The following NR2C1 variants were observed in gnomAD, a reference collection of about 807,000 sequenced individuals.
The protein encoded by NR2C1 is nuclear receptor subfamily 2 group C member 1, also known as TR2 nuclear hormone receptor.
In NR2C1, 33 loss-of-function variants were observed where a neutral mutation model predicts 74.8. The ratio of observed to expected loss-of-function variants is 0.44; its 90% CI spans 0.33 to 0.59. The LOEUF (loss-of-function observed/expected upper bound fraction) is 0.59. Ranked by LOEUF, NR2C1 falls within the 20% of genes least tolerant of loss-of-function variation. NR2C1 has a pLI of 0.02. For synonymous variants in NR2C1, 225 were observed against 240.6 expected (o/e 0.94, Z 0.60); for missense variants, 568 against 715.6 (o/e 0.79, Z 2.35).
At chr12:95,022,862 TTG>T (rs1294062173) in intron 13 of NR2C1, among the ~76,000 whole-genome samples, 2 of 147,350 alleles carry the variant, frequency 1.4e-5, no homozygotes, top group Non-Finnish European at 3.1e-5. Flanking sequence ...ACCTGGCTAA[TTG>T]TGTTTGTTTT....
chr12:95,035,910 A>G (rs1870761313), intron 10 of NR2C1, among the ~76,000 whole-genome samples: 1 of 152,252 alleles, frequency 6.6e-6, no homozygotes, highest in African/African-American at 2.4e-5. Context: ...TGTAGTTCAT[A>G]ATGAAGTGTT....
intron 9 of NR2C1, among the ~76,000 whole-genome samples, chr12:95,043,519 C>G (rs955191717): frequency 6.6e-6 from 1 of 151,844 alleles, no homozygotes; most frequent in Admixed American, 6.6e-5. Flanking sequence ...AAAACCAGGT[C>G]TCTACTAAAA....
At chr12:95,048,622 G>GTTTT (rs899683567) in intron 9 of NR2C1, among the ~76,000 whole-genome samples, 1,931 of 130,436 alleles carry the variant, frequency 0.015, 40 homozygotes, top group African/African-American at 0.051. Context: ...ATGCAGATGA[G>GTTTT]TTTTTTTTTT....
At chr12:95,068,497 A>G (rs1876071950) in intron 1 of NR2C1, among the ~76,000 whole-genome samples, 1 of 151,984 alleles carries the variant, frequency 6.6e-6, no homozygotes, top group African/African-American at 2.4e-5. Flanking sequence ...CCTAAAGACA[A>G]GAAAATCTAC....
intron 2 of NR2C1, chr12:95,062,939 G>T (rs1422716998): frequency 7.0e-6 from 4 of 571,632 alleles, no homozygotes; most frequent in Admixed American, 3.1e-5. Flanking sequence ...AGAACATTTT[G>T]ACCTCACTAT....
At chr12:95,032,457 C>CAAAAAAAAAAAAAAA (rs905079010) in intron 10 of NR2C1, among the ~76,000 whole-genome samples, 110 of 90,680 alleles carry the variant, frequency 1.2e-3, no homozygotes, top group African/African-American at 4.3e-3. Flanking sequence ...GACTCCGTCT[C>CAAAAAAAAAAAAAAA]AAAAAAAAAA....
In NR2C1 at chr12:95,021,925, T is replaced by G. The variant is rs1323798716; in HGVS notation, c.*304A>C. 5.3e-6 allele frequency: 1 copy of G among 187,706 alleles called. No homozygotes were observed. Among genetic ancestry groups the G allele is most frequent in the African/African-American group, 2.3e-5 (1 of 42,732 alleles). The allele number at this position is 187,706 out of a possible 1,614,324, so 11.6% of individuals were successfully genotyped here. ...AAAAGAGACTAATTTATTTGTTTTA[T>G]AAAATAGAATGAGCGCTTAGTTTAG... is the stretch of plus-strand genomic sequence containing the variant. On this transcript the variant is annotated 3_prime_UTR_variant, in exon 14 of 14. Coordinates refer to ENST00000333003, the MANE Select transcript of NR2C1 (RefSeq NM_003297.4).
intron 2 of NR2C1, chr12:95,066,796 G>A (rs1875776271): frequency 6.5e-6 from 1 of 153,614 alleles, no homozygotes; most frequent in Non-Finnish European, 1.4e-5. Flanking sequence ...TTGTATACCT[G>A]GGAGAGAACA....
intron 9 of NR2C1, among the ~76,000 whole-genome samples, chr12:95,044,622 C>A (rs994836060): frequency 6.6e-6 from 1 of 152,006 alleles, no homozygotes; most frequent in African/African-American, 2.4e-5. Flanking sequence ...TGATGGCTCA[C>A]GCTTATAATC....
chr12:95,062,460 T>G lies in NR2C1; in HGVS notation c.285+48A>C, dbSNP rs1010926102. 1.4e-5 allele frequency: 19 copies of G among 1,329,322 alleles called. No individual in the cohort carries two copies. The African/African-American group carries it at 2.4e-4, about 17-fold the overall frequency. The allele number at this position is 1,329,322 out of a possible 1,614,324, so 82.3% of individuals were successfully genotyped here. On this transcript the variant is annotated intron_variant, in intron 3 of 13. Coordinates refer to ENST00000333003, the MANE Select transcript of NR2C1 (RefSeq NM_003297.4). ...TCATGGCAGGGCTTATGATTAAAAT[T>G]TTTTTTTTATATATGTAAGAGGAAA...
intron 9 of NR2C1, among the ~76,000 whole-genome samples, chr12:95,042,341 C>A (rs1871655383): frequency 6.6e-6 from 1 of 151,452 alleles, no homozygotes; most frequent in South Asian, 2.1e-4. Context: ...TCCCCAGTAG[C>A]TGGGACTACA....
chr12:95,058,138 A>T, intron 5 of NR2C1, 172 bp downstream of exon 5: 1 of 650,168 alleles, frequency 1.5e-6, no homozygotes, highest in Non-Finnish European at 2.5e-6. Flanking sequence ...TATTCAATAA[A>T]TATTAGTTGA....
At chr12:95,045,460 A>G (rs1872192830) in intron 9 of NR2C1, among the ~76,000 whole-genome samples, 1 of 152,210 alleles carries the variant, frequency 6.6e-6, no homozygotes, top group Admixed American at 6.5e-5. Flanking sequence ...GGAAGCGAAG[A>G]TATTAGGGTA....
intron 13 of NR2C1, among the ~76,000 whole-genome samples, chr12:95,024,803 T>G (rs1869153165): frequency 6.6e-6 from 1 of 152,146 alleles, no homozygotes; most frequent in Non-Finnish European, 1.5e-5. Flanking sequence ...TGATTATTTT[T>G]TATCCTCCTT....
At chr12:95,025,827 A>T (rs1869294689) in intron 12 of NR2C1, among the ~76,000 whole-genome samples, 2 of 151,582 alleles carry the variant, frequency 1.3e-5, no homozygotes, top group Non-Finnish European at 2.9e-5. Context: ...CAAAACAAAC[A>T]GCTTTCTCTC....
At chr12:95,065,949 CA>C (rs35546696) in intron 2 of NR2C1, among the ~76,000 whole-genome samples, 12,308 of 111,706 alleles carry the variant, frequency 0.11, 532 homozygotes, top group East Asian at 0.19. Context: ...GACTTTGTCT[CA>C]AAAAAAAAAA....
chr12:95,052,619 GTTGTT>G (rs1043146114), intron 7 of NR2C1, among the ~76,000 whole-genome samples: 141 of 151,820 alleles, frequency 9.3e-4, no homozygotes, highest in African/African-American at 3.3e-3. Flanking sequence ...CTATGCCTGG[GTTGTT>G]TTTTCATTTT....
intron 1 of NR2C1, among the ~76,000 whole-genome samples, chr12:95,068,653 G>A (rs1181190890): frequency 2.0e-5 from 3 of 152,130 alleles, no homozygotes; most frequent in Non-Finnish European, 2.9e-5. Context: ...AATTAGCCAG[G>A]TGTGGTGGTA....
At chr12:95,027,063 ATTTATT>A (rs567572285) in intron 12 of NR2C1, among the ~76,000 whole-genome samples, 5 of 152,094 alleles carry the variant, frequency 3.3e-5, no homozygotes, top group Non-Finnish European at 7.4e-5. Context: ...TTACATTTTC[ATTTATT>A]TTTGAGACAG....
Sources: allele counts gnomAD v4.1 joint callset (sites outside exome capture counted in the v4.1 genomes callset), GRCh38; gene constraint gnomAD v4.1.1; transcripts MANE v1.5; gene names NCBI Gene and HGNC (gene_info 2026-07-23, HGNC 2026-07-21).